The following JAZF1 variants were observed in gnomAD, a reference collection of about 807,000 sequenced individuals.
JAZF1 encodes the protein juxtaposed with another zinc finger protein 1.
Under a neutral mutation model 26.4 loss-of-function variants are expected in JAZF1, and 8 were observed. The observed-to-expected ratio is 0.30, with a 90% confidence interval of 0.18 to 0.55. JAZF1 has a LOEUF of 0.55. JAZF1 is among the 20% of genes least tolerant of loss of function. The probability of loss-of-function intolerance (pLI) is 0.94; values close to 1 mark genes in which losing one functional copy is unlikely to be tolerated. For synonymous variants in JAZF1, 126 were observed against 122.3 expected (o/e 1.03, Z -0.20); for missense variants, 199 against 322.0 (o/e 0.62, Z 2.92).
intron 2 of JAZF1, among the ~76,000 whole-genome samples, chr7:27,924,148 G>A (rs973544657): frequency 1.3e-5 from 2 of 152,056 alleles, no homozygotes; most frequent in African/African-American, 2.4e-5. Context: ...GCGCCATCTC[G>A]GCTCACTACA....
intron 2 of JAZF1, among the ~76,000 whole-genome samples, chr7:27,952,798 T>C (rs1785033186): frequency 6.6e-6 from 1 of 152,222 alleles, no homozygotes; most frequent in African/African-American, 2.4e-5. Context: ...TGAAACATGT[T>C]CAGGAAAAAA....
At chr7:27,939,416 C>A (rs1784809417) in intron 2 of JAZF1, among the ~76,000 whole-genome samples, 1 of 152,140 alleles carries the variant, frequency 6.6e-6, no homozygotes, top group Non-Finnish European at 1.5e-5. Context: ...GCTTCCTTTG[C>A]AGGGTGTGGT....
intron 1 of JAZF1, among the ~76,000 whole-genome samples, chr7:27,992,412 T>C (rs1010299670): frequency 3.9e-5 from 6 of 152,220 alleles, no homozygotes; most frequent in African/African-American, 1.4e-4. Flanking sequence ...ATTGTTCTTG[T>C]TCACGGAACA....
chr7:27,902,983 T>A (rs1269155529), intron 2 of JAZF1, among the ~76,000 whole-genome samples: 1 of 133,820 alleles, frequency 7.5e-6, no homozygotes. Context: ...GCCACTGCAC[T>A]CCAGCCTGGG....
intron 3 of JAZF1, among the ~76,000 whole-genome samples, chr7:27,846,006 A>ATACGTTCC (rs1275044476): frequency 6.6e-6 from 1 of 151,876 alleles, no homozygotes; most frequent in Non-Finnish European, 1.5e-5. Flanking sequence ...ACCCCTCCCC[A>ATACGTTCC]TACGTTCCTG....
chr7:28,105,567 C>T (rs757086372), intron 1 of JAZF1, among the ~76,000 whole-genome samples: 10 of 152,198 alleles, frequency 6.6e-5, no homozygotes, highest in African/African-American at 2.2e-4. Flanking sequence ...GGATTTCCTT[C>T]GTCACACCCT....
chr7:28,073,937 A>G (rs1784014468), intron 1 of JAZF1, among the ~76,000 whole-genome samples: 1 of 152,028 alleles, frequency 6.6e-6, no homozygotes, highest in East Asian at 1.9e-4. Context: ...AAGTAAATTC[A>G]ATTATTTAAG....
chr7:28,022,414 A>G (rs1783021345), intron 1 of JAZF1, among the ~76,000 whole-genome samples: 1 of 152,238 alleles, frequency 6.6e-6, no homozygotes, highest in Non-Finnish European at 1.5e-5. Context: ...TGCTGCAATG[A>G]GACAGTTTAG....
intron 1 of JAZF1, among the ~76,000 whole-genome samples, chr7:28,071,329 T>C (rs982645165): frequency 6.6e-6 from 1 of 152,170 alleles, no homozygotes; most frequent in African/African-American, 2.4e-5. Context: ...GACAAAGACC[T>C]AATAACCTCA....
intron 1 of JAZF1, among the ~76,000 whole-genome samples, chr7:28,175,940 A>G (rs1382816848): frequency 6.6e-6 from 1 of 152,220 alleles, no homozygotes; most frequent in Non-Finnish European, 1.5e-5. Context: ...GATAATGCAA[A>G]TATTTACTAA....
chr7:27,861,690 C>T (rs945181386), intron 3 of JAZF1, among the ~76,000 whole-genome samples: 2 of 152,038 alleles, frequency 1.3e-5, no homozygotes, highest in African/African-American at 4.8e-5. Flanking sequence ...CACTGTCTGT[C>T]CTGGAAGCCA....
rs748046042 is a variant in JAZF1, at chr7:28,005,857, AATT to A, written c.116-13879_116-13877del. Among the ~76,000 whole-genome samples, 28 of 149,614 alleles carry A rather than the reference AATT, an allele frequency of 1.9e-4. 1 individual carries two copies. Among genetic ancestry groups the A allele is most frequent in the Non-Finnish European group, 3.4e-4 (23 of 67,700 alleles). On this transcript the variant is annotated intron_variant, in intron 1 of 4. Transcript: ENST00000283928. The stretch of plus-strand genomic sequence containing the variant: ...TGGCTTCTGTGGAAGGACTTCTGGG[AATT>A]AACTCTGGACTTTCTGTTGCTTAAA...
intron 1 of JAZF1, among the ~76,000 whole-genome samples, chr7:28,149,957 C>A (rs112035193): frequency 6.6e-6 from 1 of 152,210 alleles, no homozygotes; most frequent in African/African-American, 2.4e-5. Context: ...ACAGCGCCCA[C>A]GTAATCTGCA....
intron 2 of JAZF1, among the ~76,000 whole-genome samples, chr7:27,902,755 G>A (rs760429144): frequency 2.0e-5 from 3 of 152,138 alleles, no homozygotes; most frequent in African/African-American, 2.4e-5. Flanking sequence ...GGTGGCTCAC[G>A]CCTGTAATCC....
chr7:28,001,360 C>A (rs1460998402), intron 1 of JAZF1, among the ~76,000 whole-genome samples: 1 of 150,736 alleles, frequency 6.6e-6, no homozygotes, highest in African/African-American at 2.4e-5. Context: ...TCAAAAAAAA[C>A]AAAACAAAAC....
chr7:27,873,885 AGACTGAGACACTCTGAT>A (rs1221081090), intron 3 of JAZF1, among the ~76,000 whole-genome samples: 1 of 152,248 alleles, frequency 6.6e-6, no homozygotes, highest in Non-Finnish European at 1.5e-5. Flanking sequence ...CTGAGAAGGT[AGACTGAGACACTCTGAT>A]GCAATTATTA....
intron 2 of JAZF1, among the ~76,000 whole-genome samples, chr7:27,967,177 C>A (rs1269336678): frequency 6.6e-6 from 1 of 152,124 alleles, no homozygotes; most frequent in Admixed American, 6.6e-5. Context: ...AGAAATTCAA[C>A]TAGCTGCACC....
intron 2 of JAZF1, among the ~76,000 whole-genome samples, chr7:27,918,037 T>A (rs1047977259): frequency 1.3e-5 from 2 of 152,158 alleles, no homozygotes; most frequent in African/African-American, 4.8e-5. Context: ...CTATAGTGAT[T>A]ACAGAATGTG....
At chr7:27,908,396 G>T (rs1035661825) in intron 2 of JAZF1, among the ~76,000 whole-genome samples, 1 of 152,198 alleles carries the variant, frequency 6.6e-6, no homozygotes, top group Non-Finnish European at 1.5e-5. Flanking sequence ...ATGTGCATGT[G>T]GGCATCTCAA....
Sources: gnomAD v4.1 joint callset for allele counts (sites outside exome capture counted in the v4.1 genomes callset) on GRCh38, gnomAD v4.1.1 for gene constraint, MANE v1.5 for transcripts, NCBI Gene and HGNC (gene_info 2026-07-23, HGNC 2026-07-21) for gene names.